The following ZNF710 variants were observed in gnomAD, a reference collection of about 807,000 sequenced individuals.
ZNF710 encodes the protein zinc finger protein 710.
A neutral mutation model predicts 50.6 loss-of-function variants in ZNF710; 13 were observed. The ratio of observed to expected loss-of-function variants is 0.26; its 90% confidence interval spans 0.17 to 0.41. ZNF710 has a LOEUF of 0.41. ZNF710 is among the 10% of genes least tolerant of loss of function. The probability of loss-of-function intolerance (pLI) is 1.00; values close to 1 mark genes in which losing one functional copy is unlikely to be tolerated. For synonymous variants in ZNF710, 383 were observed against 397.0 expected, an observed-to-expected ratio of 0.96 and a Z score of 0.42; for missense variants, 721 against 936.6, an observed-to-expected ratio of 0.77 and a Z score of 3.01.
At chr15:90,074,426 G>C in intron 4 of ZNF710, 136 bp downstream of exon 4, 1 of 1,544,046 alleles carries the variant, frequency 6.5e-7, no homozygotes, top group Non-Finnish European at 8.7e-7. Flanking sequence ...GTCTGGAAGG[G>C]GGGTACCCTG....
chr15:90,029,321 T>C (rs1898864491), intron 1 of ZNF710, among the ~76,000 whole-genome samples: 1 of 152,038 alleles, frequency 6.6e-6, no homozygotes, highest in Admixed American at 6.5e-5. Flanking sequence ...GGTGGTGAGC[T>C]CTCCTGGTCC....
chr15:90,019,564 A>G (rs1898553540), intron 1 of ZNF710, among the ~76,000 whole-genome samples: 1 of 152,182 alleles, frequency 6.6e-6, no homozygotes. Flanking sequence ...TCTTTTAAAC[A>G]TGGTTGTGAG....
intron 1 of ZNF710, among the ~76,000 whole-genome samples, chr15:90,005,427 G>A (rs888033037): frequency 1.3e-5 from 2 of 152,126 alleles, no homozygotes; most frequent in Non-Finnish European, 2.9e-5. Context: ...GGAGACTTGT[G>A]CAAAACAATA....
chr15:90,073,992 AAAAAAAAC>A lies in ZNF710; in HGVS notation c.1651-116_1651-109del, dbSNP rs1193400005. On this transcript the variant is annotated intron_variant, in intron 3 of 4. Transcript: ENST00000268154. ...ACAACAGAGTGAGAGTCTGTCTCAA[AAAAAAAAC>A]AAAAAAAAAAAACAAAAGAATAGGA... 2.3e-4 allele frequency: 255 copies of A among 1,103,944 alleles called. 3 individuals are homozygous for A. The African/African-American group carries it at 4.2e-3, about 18-fold the overall frequency. 68.4% of individuals were successfully genotyped at this position (1,103,944 alleles called of 1,614,324 possible). A position where few individuals can be genotyped will look rare whatever the true frequency, so the allele number is the denominator to read the frequency against.
chr15:90,045,599 T>A (rs990241422), intron 1 of ZNF710, among the ~76,000 whole-genome samples: 1 of 152,094 alleles, frequency 6.6e-6, no homozygotes, highest in African/African-American at 2.4e-5. Context: ...GTTGTGTGGC[T>A]GCTGCCAGAT....
At chr15:90,003,551 G>A (rs1898068273) in intron 1 of ZNF710, among the ~76,000 whole-genome samples, 1 of 152,130 alleles carries the variant, frequency 6.6e-6, no homozygotes. Flanking sequence ...GGGGCCTAGA[G>A]AACCAATGGG....
intron 2 of ZNF710, among the ~76,000 whole-genome samples, chr15:90,071,883 C>T (rs767117841): frequency 3.5e-4 from 53 of 152,158 alleles, no homozygotes; most frequent in South Asian, 8.3e-4. Context: ...ACCATGTTGG[C>T]CAGCCTGGTC....
At chr15:90,042,353 C>A (rs749353191) in intron 1 of ZNF710, among the ~76,000 whole-genome samples, 5 of 152,024 alleles carry the variant, frequency 3.3e-5, no homozygotes, top group Non-Finnish European at 7.4e-5. Context: ...TGTCTCCCCC[C>A]CACCCCCTCC....
At chr15:90,046,411 C>G (rs1249104009) in intron 1 of ZNF710, among the ~76,000 whole-genome samples, 2 of 152,174 alleles carry the variant, frequency 1.3e-5, no homozygotes, top group Non-Finnish European at 2.9e-5. Context: ...AAAGGGGAGT[C>G]CTATCCCTGC....
intron 1 of ZNF710, 53 bp downstream of exon 1, chr15:90,001,667 C>G (rs1321816644): frequency 6.9e-6 from 1 of 144,042 alleles, no homozygotes; most frequent in Admixed American, 6.9e-5. Flanking sequence ...CCCCGCAGCC[C>G]CGCGCTGCCG....
chr15:90,010,762 A>G (rs971998491), intron 1 of ZNF710, among the ~76,000 whole-genome samples: 9 of 151,334 alleles, frequency 5.9e-5, no homozygotes, highest in African/African-American at 2.2e-4. Flanking sequence ...AAAATTTTTT[A>G]TTTTTAGAGA....
At chr15:90,072,656 T>A (rs1293884714) in intron 2 of ZNF710, among the ~76,000 whole-genome samples, 2 of 152,092 alleles carry the variant, frequency 1.3e-5, no homozygotes, top group African/African-American at 2.4e-5. Context: ...AGACCCTGTG[T>A]CTTCTTGGCG....
At chr15:90,053,803 G>T (rs1289592806) in intron 1 of ZNF710, among the ~76,000 whole-genome samples, 1 of 151,980 alleles carries the variant, frequency 6.6e-6, no homozygotes, top group Non-Finnish European at 1.5e-5. Context: ...CTCCCAGGGA[G>T]CCCCCCCAAC....
upstream of ZNF710, among the ~76,000 whole-genome samples, chr15:89,998,699 G>A (rs1174361451): frequency 3.3e-5 from 5 of 152,180 alleles, no homozygotes; most frequent in Non-Finnish European, 5.9e-5. Context: ...ACCATGCTAG[G>A]TGTGGGGTTT....
rs903488724 is a variant in ZNF710 at position 90,059,990 on chromosome 15, C to G, written c.-28-7120C>G. On this transcript the variant is annotated intron_variant, in intron 1 of 4. Coordinates refer to ENST00000268154, the MANE Select transcript of ZNF710 (RefSeq NM_198526.4). The surrounding 1 kb of genome is among the most constrained non-coding windows in gnomAD (Gnocchi z 4.1). ...AGGGGCAAAAGGCCCAGAGCCACAT[C>G]CTGGAGGGCTTGAATGCCAGACCCA... is the stretch of plus-strand genomic sequence containing the variant. Among the ~76,000 whole-genome samples the G allele has an allele frequency of 3.8e-4, 58 of 152,316 alleles. No individual in the cohort carries two copies. Among genetic ancestry groups the G allele is most frequent in the African/African-American group, 1.4e-3 (58 of 41,588 alleles).
rs933717391 is a variant in ZNF710 at position 90,057,723 on chromosome 15, T to TAATAATAATAATAATA, written c.-28-9384_-28-9383insAATAATAATAATAAAT. On this transcript the variant is annotated intron_variant, in intron 1 of 4. Coordinates refer to ENST00000268154, the MANE Select transcript of ZNF710 (RefSeq NM_198526.4). ...ATAATAATAATAATAATAATAATAA[T>TAATAATAATAATAATA]AATTTGGAGAATCAGAATCACTTAA... 5.4e-5 allele frequency among the ~76,000 whole-genome samples: 8 copies of TAATAATAATAATAATA among 148,988 alleles called. No individual in the cohort carries two copies. The East Asian group carries it at 1.6e-3, about 29-fold the overall frequency.
intron 1 of ZNF710, among the ~76,000 whole-genome samples, chr15:90,048,351 C>T (rs541728922): frequency 1.1e-4 from 16 of 152,322 alleles, no homozygotes; most frequent in African/African-American, 3.6e-4. Flanking sequence ...GAGCTGGGGG[C>T]ATTTGGAGGA....
Position 90,068,602 on chromosome 15 carries a change from C to T in ZNF710, c.1458+7C>T. The T allele has an allele frequency of 6.3e-7, 1 of 1,577,118 alleles. No homozygotes were observed. Among genetic ancestry groups the T allele is most frequent in the Admixed American group, 1.7e-5 (1 of 58,864 alleles). ...GCACTCCCTCACCCACAAGGTAAGGCCGTTCCCAGGGCCTGGGCATCTGCC... is the reference window on the plus strand; with the variant it reads ...GCACTCCCTCACCCACAAGGTAAGGTCGTTCCCAGGGCCTGGGCATCTGCC... On this transcript the variant is annotated splice_region_variant and intron_variant, in intron 2 of 4. Transcript: ENST00000268154. This position sits in a 1 kb window ranked among gnomAD's most constrained non-coding sequence, Gnocchi z 5.0.
rs573546789 is a variant in ZNF710 at position 90,073,268 on chromosome 15, C to T, written c.1650+6C>T. On this transcript the variant is annotated splice_donor_region_variant and intron_variant, in intron 3 of 4. Transcript: ENST00000268154. ...TGAAGCCATTCAAATGCAAGGTACC[C>T]GGTCATCAGGCCCCGGGGCTGGGAC... The T allele has an allele frequency of 1.2e-5, 20 of 1,609,236 alleles. No individual in the cohort carries two copies. Among genetic ancestry groups the T allele is most frequent in the South Asian group, 3.3e-5 (3 of 90,990 alleles).
Sources: gnomAD v4.1 joint callset for allele counts (sites outside exome capture counted in the v4.1 genomes callset) on GRCh38, gnomAD v4.1.1 for gene constraint, Gnocchi (gnomAD v3.1) non-coding constraint, MANE v1.5 for transcripts, NCBI Gene and HGNC (gene_info 2026-07-23, HGNC 2026-07-21) for gene names.